STOML2: variants seen among roughly 807,000 people sequenced by gnomAD.
STOML2 encodes the protein stomatin like 2, also known as stomatin-like protein 2, mitochondrial.
A neutral mutation model predicts 45.7 loss-of-function variants in STOML2; 22 were observed. The ratio of observed to expected loss-of-function variants is 0.48; its 90% CI spans 0.34 to 0.69. The LOEUF (loss-of-function observed/expected upper bound fraction) is 0.69. Ranked by LOEUF, STOML2 falls within the 30% of genes least tolerant of loss-of-function variation. The pLI is 0.01. For synonymous variants in STOML2, 181 were observed against 182.7 expected (o/e 0.99, Z 0.08); for missense variants, 359 against 466.9 (o/e 0.77, Z 2.13).
chr9:35,102,663 G>A lies in STOML2; in HGVS notation c.183+23C>T, dbSNP rs778274001. ...GGGATTGGTCATCTGGCTGGCCCAGGGTGGGCAGAAGAGGTTTCTCACAGG... is the reference window on the plus strand; with the variant it reads ...GGGATTGGTCATCTGGCTGGCCCAGAGTGGGCAGAAGAGGTTTCTCACAGG... On this transcript the variant is annotated intron_variant, in intron 2 of 9. Coordinates refer to ENST00000356493, the MANE Select transcript of STOML2 (RefSeq NM_013442.3). The surrounding 1 kb of genome is among the most constrained non-coding windows in gnomAD (Gnocchi z 4.8). 3 of 1,611,500 alleles carry A rather than the reference G, an allele frequency of 1.9e-6. No individual in the cohort carries two copies. The highest frequency in any genetic ancestry group is 1.3e-5 in the African/African-American group (1 of 74,978).
rs770427821 is a variant in STOML2 at position 35,103,098 on chromosome 9, C to T, written c.-4G>A. On this transcript the variant is annotated 5_prime_UTR_variant, in exon 1 of 10. Transcript: ENST00000356493. ...CCCGCGCCGCGCGCGCCAGCATTTC[C>T]CACCGCCGCAGCGACCTCCGGAACC... 2 of 1,613,378 alleles carry T rather than the reference C, an allele frequency of 1.2e-6. No homozygotes were observed. Among genetic ancestry groups the T allele is most frequent in the Non-Finnish European group, 1.7e-6 (2 of 1,179,934 alleles).
At position 35,102,561 on chromosome 9, in the gene STOML2, C is replaced by G. The variant is rs1174870148; in HGVS notation, c.183+125G>C. 2.1e-6 allele frequency: 3 copies of G among 1,462,248 alleles called. No homozygotes were observed. The highest frequency in any genetic ancestry group is 2.8e-6 in the Non-Finnish European group (3 of 1,088,682). 90.6% of individuals were successfully genotyped at this position (1,462,248 alleles called of 1,614,324 possible). On this transcript the variant is annotated intron_variant, in intron 2 of 9. Transcript: ENST00000356493. The surrounding 1 kb of genome is among the most constrained non-coding windows in gnomAD (Gnocchi z 4.8). ...TGATGGTCAGCAGCCTGGGCCCTGT[C>G]AGGTCTGGCCTACAGAGTCGGGAGC...
At position 35,102,048 on chromosome 9, in the gene STOML2, C is replaced by T. The variant is rs763708469; in HGVS notation, c.283+47G>A. On this transcript the variant is annotated intron_variant, in intron 3 of 9. Coordinates refer to ENST00000356493, the MANE Select transcript of STOML2 (RefSeq NM_013442.3). This position sits in a 1 kb window ranked among gnomAD's most constrained non-coding sequence, Gnocchi z 4.8. The stretch of plus-strand genomic sequence containing the variant: ...TACTAAGCTCTGGATCTACAGCAAC[C>T]ACATCCTAATAGCCTCAGAGCACCC... 16 of 1,612,646 alleles carry T rather than the reference C, an allele frequency of 9.9e-6. No homozygotes were observed. Among genetic ancestry groups the T allele is most frequent in the Non-Finnish European group, 1.2e-5 (14 of 1,178,790 alleles).
Position 35,102,647 on chromosome 9 carries a change from C to A in STOML2, c.183+39G>T. Reference sequence around the variant, plus strand: ...ACATTGCATGTCGTGAGGGATTGGTCATCTGGCTGGCCCAGGGTGGGCAGA... The same window carrying A: ...ACATTGCATGTCGTGAGGGATTGGTAATCTGGCTGGCCCAGGGTGGGCAGA... On this transcript the variant is annotated intron_variant, in intron 2 of 9. Transcript: ENST00000356493. The surrounding 1 kb of genome is among the most constrained non-coding windows in gnomAD (Gnocchi z 4.8). 1 of 1,607,372 alleles carries A rather than the reference C, an allele frequency of 6.2e-7. No homozygotes were observed. The highest frequency in any genetic ancestry group is 8.5e-7 in the Non-Finnish European group (1 of 1,177,810).
At chr9:35,103,137 G>T, upstream of STOML2, 2 of 1,608,576 alleles carry the variant, frequency 1.2e-6, no homozygotes, top group South Asian at 2.2e-5. Context: ...GAGACGAGCG[G>T]AGCGGTCGCT....
At chr9:35,100,882 C>A (rs761245223) in intron 8 of STOML2, 50 bp downstream of exon 8, 3 of 1,613,490 alleles carry the variant, frequency 1.9e-6, no homozygotes, top group South Asian at 1.1e-5. Context: ...GATAAGAGAA[C>A]CCCTTCCACT....
Position 35,102,012 on chromosome 9 carries a change from C to T in STOML2, c.284-50G>A, listed in dbSNP as rs752186895. 2 of 1,613,450 alleles carry T rather than the reference C, an allele frequency of 1.2e-6. No individual in the cohort carries two copies. Among genetic ancestry groups the T allele is most frequent in the Non-Finnish European group, 1.7e-6 (2 of 1,179,438 alleles). ...GGAAAGTCAGGCCTCTAGGTCCCAACCAGTTCTTTCTACTAAGCTCTGGAT... is the reference window on the plus strand; with the variant it reads ...GGAAAGTCAGGCCTCTAGGTCCCAATCAGTTCTTTCTACTAAGCTCTGGAT... On this transcript the variant is annotated intron_variant, in intron 3 of 9. Transcript: ENST00000356493. The surrounding 1 kb of genome is among the most constrained non-coding windows in gnomAD (Gnocchi z 4.8).
Position 35,100,049 on chromosome 9 carries a change from C to T in STOML2, c.1057G>A (p.Val353Ile). 1 of 1,614,230 alleles carries T rather than the reference C, an allele frequency of 6.2e-7. No individual in the cohort carries two copies. Among genetic ancestry groups the T allele is most frequent in the Non-Finnish European group, 8.5e-7 (1 of 1,180,036 alleles). The change falls in exon 10 of 10, where the codon GTC (valine) becomes ATC (isoleucine). Residue 353 changes from valine to isoleucine, a missense_variant. Val to Ile is a conservative substitution (Grantham distance 29, BLOSUM62 3). This residue lies in a region of STOML2 where 285 missense variants were observed against 422.0 expected (regional missense o/e 0.68). Transcript: ENST00000356493. ...GCCCAGCTCCACTAACTCATCTTGACTCGATCAAGTTCCTCATCAAGACTT... is the reference window on the plus strand; with the variant it reads ...GCCCAGCTCCACTAACTCATCTTGATTCGATCAAGTTCCTCATCAAGACTT... ...DASLDEELDRVKMS is the reference protein window; with the variant it reads ...DASLDEELDRIKMS
chr9:35,101,082 A>G lies in STOML2; in HGVS notation c.724+53T>C. 6.2e-7 allele frequency: 1 copy of G among 1,612,952 alleles called. No homozygotes were observed. Among genetic ancestry groups the G allele is most frequent in the South Asian group, 1.1e-5 (1 of 91,036 alleles). On this transcript the variant is annotated intron_variant, in intron 7 of 9. Transcript: ENST00000356493. The surrounding 1 kb of genome is among the most constrained non-coding windows in gnomAD (Gnocchi z 4.3). ...ACCCCAAAGATCCTGCCCCAGCACC[A>G]ATCTTCAAAGGCCCATGCCTTGCTC...
rs767419644 is a variant in STOML2, at chr9:35,101,056, T to C, written c.725-45A>G. 1.9e-6 allele frequency: 3 copies of C among 1,612,152 alleles called. No individual in the cohort carries two copies. In the East Asian group the frequency reaches 6.7e-5, roughly 36 times the overall value. ...GCTTGCTTGACCCATGAAGTCAAAG[T>C]ACCCCAAAGATCCTGCCCCAGCACC... is the stretch of plus-strand genomic sequence containing the variant. On this transcript the variant is annotated intron_variant, in intron 7 of 9. Coordinates refer to ENST00000356493, the MANE Select transcript of STOML2 (RefSeq NM_013442.3). The surrounding 1 kb of genome is among the most constrained non-coding windows in gnomAD (Gnocchi z 4.3).
chr9:35,102,834 G>A lies in STOML2; in HGVS notation c.46-11C>T, dbSNP rs747673574. ...AGCCAGTAGAGAGCCCTGAAGGAAAGAAGAGGGTGAGCAGAGATCCCATCT... is the reference window on the plus strand; with the variant it reads ...AGCCAGTAGAGAGCCCTGAAGGAAAAAAGAGGGTGAGCAGAGATCCCATCT... On this transcript the variant is annotated splice_polypyrimidine_tract_variant and intron_variant, in intron 1 of 9. Coordinates refer to ENST00000356493, the MANE Select transcript of STOML2 (RefSeq NM_013442.3). The surrounding 1 kb of genome is among the most constrained non-coding windows in gnomAD (Gnocchi z 4.8). The A allele has an allele frequency of 1.2e-6, 2 of 1,613,622 alleles. No individual in the cohort carries two copies. The highest frequency in any genetic ancestry group is 1.7e-6 in the Non-Finnish European group (2 of 1,179,782).
In STOML2 at chr9:35,102,935, G is replaced by T; in HGVS notation, c.46-112C>A. 6.3e-7 allele frequency: 1 copy of T among 1,578,332 alleles called. No homozygotes were observed. The highest frequency in any genetic ancestry group is 8.6e-7 in the Non-Finnish European group (1 of 1,160,042). On this transcript the variant is annotated intron_variant, in intron 1 of 9. Transcript: ENST00000356493. This position sits in a 1 kb window ranked among gnomAD's most constrained non-coding sequence, Gnocchi z 4.8. Reference sequence around the variant, plus strand: ...CCTCAGGATCCTCGGAGAATCACATGGGGACCATGACCTCTGACCCCAGTC... The same window carrying T: ...CCTCAGGATCCTCGGAGAATCACATTGGGACCATGACCTCTGACCCCAGTC...
intron 9 of STOML2, 126 bp from the exon 10 acceptor site, chr9:35,100,298 A>G: frequency 7.9e-7 from 1 of 1,270,704 alleles, no homozygotes; most frequent in Non-Finnish European, 1.1e-6. Context: ...TCCCTCTCTC[A>G]AACCTGTCTT....
rs1829858920 is a variant in STOML2, at chr9:35,103,056, C to G, written c.39G>C (p.Leu13Phe). ...AAGGTTGCCTCGCTCTCACCCTCAGCAAAAGGGCCCCAGTGCCCCGCGCCG... is the reference window on the plus strand; with the variant it reads ...AAGGTTGCCTCGCTCTCACCCTCAGGAAAAGGGCCCCAGTGCCCCGCGCCG... The part of the protein sequence containing the change: ...ARAARGTGAL[L>F]LRGSLLASGR... Residue 13 changes from leucine to phenylalanine, a missense_variant, in exon 1 of 10, where the codon TTG becomes TTC. Physicochemically the swap from Leu to Phe is conservative, Grantham distance 22. Coordinates refer to ENST00000356493, the MANE Select transcript of STOML2 (RefSeq NM_013442.3). 1.2e-6 allele frequency: 2 copies of G among 1,614,138 alleles called. No individual in the cohort carries two copies. The highest frequency in any genetic ancestry group is 4.5e-5 in the East Asian group (2 of 44,876).
chr9:35,102,609 G>C lies in STOML2; in HGVS notation c.183+77C>G. The C allele has an allele frequency of 6.3e-7, 1 of 1,577,632 alleles. No homozygotes were observed. Among genetic ancestry groups the C allele is most frequent in the Admixed American group, 1.8e-5 (1 of 55,008 alleles). ...AGCTAACAGTGCGGGCAGGCCCAAA[G>C]GAAGTCCTCCCGACATTGCATGTCG... On this transcript the variant is annotated intron_variant, in intron 2 of 9. Transcript: ENST00000356493. This position sits in a 1 kb window ranked among gnomAD's most constrained non-coding sequence, Gnocchi z 4.8.
At position 35,100,032 on chromosome 9, in the gene STOML2, C is replaced by A. The variant is rs1258313431; in HGVS notation, c.*3G>T. On this transcript the variant is annotated 3_prime_UTR_variant, in exon 10 of 10. Transcript: ENST00000356493. ...CCAGACTCCCTGGCCAAGCCCAGCT[C>A]CACTAACTCATCTTGACTCGATCAA... 5.6e-6 allele frequency: 9 copies of A among 1,613,832 alleles called. No individual in the cohort carries two copies. The African/African-American group carries it at 8.0e-5, about 14-fold the overall frequency.
rs898372207 is a variant in STOML2 at position 35,101,085 on chromosome 9, C to A, written c.724+50G>T. On this transcript the variant is annotated intron_variant, in intron 7 of 9. Coordinates refer to ENST00000356493, the MANE Select transcript of STOML2 (RefSeq NM_013442.3). The surrounding 1 kb of genome is among the most constrained non-coding windows in gnomAD (Gnocchi z 4.3). ...CCAAAGATCCTGCCCCAGCACCAAT[C>A]TTCAAAGGCCCATGCCTTGCTCCTC... 1.2e-6 allele frequency: 2 copies of A among 1,613,036 alleles called. No individual in the cohort carries two copies. The highest frequency in any genetic ancestry group is 2.7e-5 in the African/African-American group (2 of 74,900).
Position 35,102,668 on chromosome 9 carries a change from G to A in STOML2, c.183+18C>T. The A allele has an allele frequency of 6.2e-7, 1 of 1,611,772 alleles. No homozygotes were observed. Reference sequence around the variant, plus strand: ...TGGTCATCTGGCTGGCCCAGGGTGGGCAGAAGAGGTTTCTCACAGGCTCCA... The same window carrying A: ...TGGTCATCTGGCTGGCCCAGGGTGGACAGAAGAGGTTTCTCACAGGCTCCA... On this transcript the variant is annotated intron_variant, in intron 2 of 9. Coordinates refer to ENST00000356493, the MANE Select transcript of STOML2 (RefSeq NM_013442.3). This position sits in a 1 kb window ranked among gnomAD's most constrained non-coding sequence, Gnocchi z 4.8.
chr9:35,100,650 T>C lies in STOML2; in HGVS notation c.881A>G (p.Asn294Ser), dbSNP rs762017957. Residue 294 changes from asparagine (N) to serine (S), a missense_variant, in exon 9 of 10, where the codon AAC becomes AGC. This residue lies in a region of STOML2 where 285 missense variants were observed against 422.0 expected (regional missense o/e 0.68). Coordinates refer to ENST00000356493, the MANE Select transcript of STOML2 (RefSeq NM_013442.3). ...SAFSKLAKDS[N>S]TILLPSNPGD... The stretch of plus-strand genomic sequence containing the variant: ...AGGGTTGGAGGGCAGTAGGATAGTG[T>C]TGGAGTCCTTGGCCAGTTTGGAGAA... 1 of 1,614,132 alleles carries C rather than the reference T, an allele frequency of 6.2e-7. No homozygotes were observed. The highest frequency in any genetic ancestry group is 8.5e-7 in the Non-Finnish European group (1 of 1,180,018).
Sources: gnomAD v4.1 joint callset for allele counts on GRCh38, gnomAD v4.1.1 for gene constraint, gnomAD v4.1.1 regional missense constraint, Gnocchi (gnomAD v3.1) non-coding constraint, MANE v1.5 for transcripts, NCBI Gene and HGNC (gene_info 2026-07-23, HGNC 2026-07-21) for gene names.